SKI: variants seen among roughly 807,000 people sequenced by gnomAD.
SKI encodes SKI proto-oncogene.
In SKI, 23 loss-of-function variants were observed where a neutral mutation model predicts 59.3. That is an observed-to-expected ratio of 0.39 (90% CI 0.28 to 0.55). The LOEUF (loss-of-function observed/expected upper bound fraction) is 0.55, where lower values mean the gene tolerates loss of function less well. Ranked by LOEUF, SKI falls within the 20% of genes least tolerant of loss-of-function variation. The probability of loss-of-function intolerance (pLI) is 0.67; values close to 1 mark genes in which losing one functional copy is unlikely to be tolerated. For missense variants in SKI, 1,017 were observed against 1,038.9 expected, an observed-to-expected ratio of 0.98 and a Z score of 0.29; for synonymous variants, 673 against 488.6, an observed-to-expected ratio of 1.38 and a Z score of -4.98.
intron 1 of SKI, among the ~76,000 whole-genome samples, chr1:2,285,358 C>CA (rs952551385): frequency 2.0e-5 from 3 of 151,760 alleles, no homozygotes; most frequent in Non-Finnish European, 4.4e-5. Flanking sequence ...ACTGAAAATA[C>CA]AAAAAAATTA....
chr1:2,304,469 G>A lies in SKI; in HGVS notation c.1651G>A (p.Gly551Ser), dbSNP rs1225179301. Residue 551 changes from glycine (G) to serine (S), a missense_variant, in exon 5 of 7, where the codon GGC becomes AGC. Transcript: ENST00000378536. ...GGAGCACCTGCGGCAGGCACTGGAG[G>A]GCGGCCTGGACACCAAGGAAGCCAA... ...ELEHLRQALE[G>S]GLDTKEAKEK... is the part of the protein sequence containing the mutation. 1 of 1,571,952 alleles carries A rather than the reference G, an allele frequency of 6.4e-7. No individual in the cohort carries two copies. Among genetic ancestry groups the A allele is most frequent in the Non-Finnish European group, 8.6e-7 (1 of 1,160,066 alleles).
intron 1 of SKI, among the ~76,000 whole-genome samples, chr1:2,233,613 G>A (rs981989569): frequency 6.6e-6 from 1 of 152,064 alleles, no homozygotes; most frequent in South Asian, 2.1e-4. Context: ...CCTCATGCTG[G>A]CTTTTGACCC....
chr1:2,258,260 C>T (rs1046374555), intron 1 of SKI, among the ~76,000 whole-genome samples: 5 of 152,030 alleles, frequency 3.3e-5, no homozygotes, highest in Non-Finnish European at 7.4e-5. Flanking sequence ...TCCTTAAACC[C>T]GTATGTTCGG....
In SKI at chr1:2,303,848, C is replaced by G; in HGVS notation, c.1220C>G (p.Ser407Cys). ...CCCGCCTGCCCCTCCAGCTTCTACTCCTACAAGAGCTTTGAGACAGCCGTG... is the reference window on the plus strand; with the variant it reads ...CCCGCCTGCCCCTCCAGCTTCTACTGCTACAAGAGCTTTGAGACAGCCGTG... ...LPALIRDSFY[S>C]YKSFETAVAP... Residue 407 changes from serine to cysteine, a missense_variant, in exon 4 of 7, where the codon TCC (serine) becomes TGC (cysteine). Physicochemically the swap from Ser to Cys is moderately radical, Grantham distance 112. Coordinates refer to ENST00000378536, the MANE Select transcript of SKI (RefSeq NM_003036.4). The surrounding 1 kb of genome is among the most constrained non-coding windows in gnomAD (Gnocchi z 5.6). 2 of 1,612,542 alleles carry G rather than the reference C, an allele frequency of 1.2e-6. No individual in the cohort carries two copies. Among genetic ancestry groups the G allele is most frequent in the Non-Finnish European group, 1.7e-6 (2 of 1,179,796 alleles).
intron 5 of SKI, among the ~76,000 whole-genome samples, chr1:2,304,855 A>T (rs1640527093): frequency 6.6e-6 from 1 of 152,218 alleles, no homozygotes; most frequent in Non-Finnish European, 1.5e-5. Context: ...CCCCATCAGG[A>T]TCACACACCC....
At chr1:2,249,963 G>GGT (rs1639092068) in intron 1 of SKI, among the ~76,000 whole-genome samples, 1 of 152,076 alleles carries the variant, frequency 6.6e-6, no homozygotes, top group Admixed American at 6.5e-5. Flanking sequence ...GGAGTGCAGT[G>GGT]GTGTGATCTT....
Position 2,229,884 on chromosome 1 carries a change from A to G in SKI, c.969+149A>G, listed in dbSNP as rs1414034369. 7.0e-7 allele frequency: 1 copy of G among 1,433,918 alleles called. No individual in the cohort carries two copies. The highest frequency in any genetic ancestry group is 9.4e-7 in the Non-Finnish European group (1 of 1,066,484). The allele number at this position is 1,433,918 out of a possible 1,614,324, so 88.8% of individuals were successfully genotyped here. ...TTCGCTTTGTTTTAGGGAAATTCAGAGTGTTCCGACTGGCAGGGCCAGAGA... is the reference window on the plus strand; with the variant it reads ...TTCGCTTTGTTTTAGGGAAATTCAGGGTGTTCCGACTGGCAGGGCCAGAGA... On this transcript the variant is annotated intron_variant, in intron 1 of 6. Transcript: ENST00000378536. This position sits in a 1 kb window ranked among gnomAD's most constrained non-coding sequence, Gnocchi z 6.3.
At chr1:2,301,737 C>T (rs747195041) in intron 1 of SKI, among the ~76,000 whole-genome samples, 8 of 152,366 alleles carry the variant, frequency 5.3e-5, no homozygotes, top group South Asian at 4.1e-4. Flanking sequence ...GCTCTGTCCA[C>T]CAAGGCTTCC....
intron 1 of SKI, among the ~76,000 whole-genome samples, chr1:2,259,198 C>G (rs919563313): frequency 6.6e-6 from 1 of 152,224 alleles, no homozygotes; most frequent in Non-Finnish European, 1.5e-5. Flanking sequence ...CCACCGCCCT[C>G]GCCGGTGCTG....
Position 2,306,569 on chromosome 1 carries a change from C to T in SKI, c.1999-8C>T, listed in dbSNP as rs1175369986. On this transcript the variant is annotated splice_polypyrimidine_tract_variant and splice_region_variant and intron_variant, in intron 6 of 6. Coordinates refer to ENST00000378536, the MANE Select transcript of SKI (RefSeq NM_003036.4). The stretch of plus-strand genomic sequence containing the variant: ...GCAGGCGCCGCTGACCACTCGGCTC[C>T]CTTTCAGATCGAAGACCTGCAGGTG... The T allele has an allele frequency of 3.2e-6, 5 of 1,540,996 alleles. No individual in the cohort carries two copies. Among genetic ancestry groups the T allele is most frequent in the South Asian group, 2.4e-5 (2 of 83,778 alleles).
chr1:2,250,479 C>T (rs575054525), intron 1 of SKI, among the ~76,000 whole-genome samples: 298 of 152,340 alleles, frequency 2.0e-3, no homozygotes, highest in African/African-American at 5.0e-3. Flanking sequence ...TTTGAGAAAT[C>T]TCCAAACCTA....
chr1:2,263,021 T>C (rs1418417125), intron 1 of SKI, among the ~76,000 whole-genome samples: 1 of 151,956 alleles, frequency 6.6e-6, no homozygotes, highest in African/African-American at 2.4e-5. Context: ...TGCCTCAGCC[T>C]CCTAAGTTGC....
rs1639582410 is a variant in SKI at position 2,269,991 on chromosome 1, T to C, written c.970-32987T>C. On this transcript the variant is annotated intron_variant, in intron 1 of 6. Transcript: ENST00000378536. The surrounding 1 kb of genome is among the most constrained non-coding windows in gnomAD (Gnocchi z 4.7). ...CTGTGGCTGGCGTGGGTCTGGCGGG[T>C]CTGGTGGTGCCTGTGGCTGGCGTGG... 7.6e-6 allele frequency among the ~76,000 whole-genome samples: 1 copy of C among 132,000 alleles called. No homozygotes were observed. The allele number at this position is 132,000 out of a possible 152,430, so 86.6% of individuals were successfully genotyped here. A position where few individuals can be genotyped will look rare whatever the true frequency, so the allele number is the denominator to read the frequency against.
At chr1:2,294,379 T>C (rs1640236783) in intron 1 of SKI, among the ~76,000 whole-genome samples, 1 of 152,186 alleles carries the variant, frequency 6.6e-6, no homozygotes, top group Non-Finnish European at 1.5e-5. Context: ...GTGTGGCTGC[T>C]CTCCTCAACA....
chr1:2,279,355 G>A (rs530091665), intron 1 of SKI, among the ~76,000 whole-genome samples: 1 of 152,262 alleles, frequency 6.6e-6, no homozygotes, highest in African/African-American at 2.4e-5. Context: ...AGCCCCTCTC[G>A]GGGCATCGCT....
intron 1 of SKI, among the ~76,000 whole-genome samples, chr1:2,298,735 C>G (rs1275818084): frequency 6.6e-6 from 1 of 152,188 alleles, no homozygotes; most frequent in African/African-American, 2.4e-5. Flanking sequence ...CAGACGTGGC[C>G]GATCCTGGCT....
At chr1:2,283,501 G>A (rs1292034542) in intron 1 of SKI, among the ~76,000 whole-genome samples, 1 of 152,232 alleles carries the variant, frequency 6.6e-6, no homozygotes. Context: ...GTGGGCCGGG[G>A]CCAGGACCAA....
intron 1 of SKI, among the ~76,000 whole-genome samples, chr1:2,295,034 A>C (rs1640251535): frequency 6.6e-6 from 1 of 152,212 alleles, no homozygotes; most frequent in Non-Finnish European, 1.5e-5. Context: ...GCTCAGATGG[A>C]GCTTTCTGTT....
chr1:2,243,847 C>T (rs1356310852), intron 1 of SKI, among the ~76,000 whole-genome samples: 1 of 152,186 alleles, frequency 6.6e-6, no homozygotes, highest in Non-Finnish European at 1.5e-5. Flanking sequence ...TTTGTATGTT[C>T]ACTCAGCTGG....
Sources: gnomAD v4.1 joint callset for allele counts (sites outside exome capture counted in the v4.1 genomes callset) on GRCh38, gnomAD v4.1.1 for gene constraint, Gnocchi (gnomAD v3.1) non-coding constraint, MANE v1.5 for transcripts, NCBI Gene and HGNC (gene_info 2026-07-23, HGNC 2026-07-21) for gene names.